FSTL4: variants seen among roughly 807,000 people sequenced by gnomAD.
FSTL4 encodes follistatin like 4.
A neutral mutation model predicts 78.2 loss-of-function variants in FSTL4; 28 were observed. The ratio of observed to expected loss-of-function variants is 0.36; its 90% CI spans 0.27 to 0.49. FSTL4 has a LOEUF of 0.49. Ranked by LOEUF, FSTL4 falls within the 20% of genes least tolerant of loss-of-function variation. FSTL4 has a pLI of 0.98. For missense variants in FSTL4, 922 were observed against 1,084.9 expected (o/e 0.85, Z 2.11); for synonymous variants, 422 against 440.5 (o/e 0.96, Z 0.53).
intron 3 of FSTL4, among the ~76,000 whole-genome samples, chr5:133,486,970 G>A (rs1210443735): frequency 2.0e-5 from 3 of 152,126 alleles, no homozygotes; most frequent in Non-Finnish European, 4.4e-5. Context: ...CTGGCAGGAG[G>A]CCCCTGACCC....
the FSTL4 span, among the ~76,000 whole-genome samples, chr5:133,777,601 T>G: frequency 1.3e-5 from 2 of 152,380 alleles, no homozygotes; most frequent in African/African-American, 4.8e-5. Context: ...TGGTTTCTTA[T>G]GTACAGAGAG....
At chr5:133,643,167 C>T in the FSTL4 span, among the ~76,000 whole-genome samples, 3 of 152,066 alleles carry the variant, frequency 2.0e-5, no homozygotes, top group South Asian at 2.1e-4. Context: ...TTAAAGCATA[C>T]GTATATGTAT....
intron 6 of FSTL4, among the ~76,000 whole-genome samples, chr5:133,286,718 T>A (rs1753138135): frequency 6.6e-6 from 1 of 152,200 alleles, no homozygotes; most frequent in Non-Finnish European, 1.5e-5. Context: ...GCATCTGAGC[T>A]GGCCCACAGT....
At chr5:133,690,793 C>T in the FSTL4 span, among the ~76,000 whole-genome samples, 1 of 152,256 alleles carries the variant, frequency 6.6e-6, no homozygotes, top group African/African-American at 2.4e-5. Flanking sequence ...GTCCAGCCAT[C>T]TCCAAATTCA....
rs1189088556 is a variant in FSTL4, at chr5:133,530,801, C to A, written c.160+36385G>T. On this transcript the variant is annotated intron_variant, in intron 3 of 15. Coordinates refer to ENST00000265342, the MANE Select transcript of FSTL4 (RefSeq NM_015082.2). The stretch of plus-strand genomic sequence containing the variant: ...GGGCCAAGAAACCCCTAACTAAGGG[C>A]TATACCCAGGCCCCACACCCCAGTG... Among the ~76,000 whole-genome samples, 3 of 152,312 alleles carry A rather than the reference C, an allele frequency of 2.0e-5. No individual in the cohort carries two copies. The South Asian group carries it at 6.2e-4, about 32-fold the overall frequency.
intron 2 of FSTL4, among the ~76,000 whole-genome samples, chr5:133,594,011 G>A (rs377434): frequency 0.33 from 50,576 of 151,598 alleles, 8,595 homozygotes; most frequent in East Asian, 0.36. Context: ...TGCTCAGTGG[G>A]TGTCTGTTGA....
chr5:133,450,857 A>G (rs901072516), intron 3 of FSTL4, among the ~76,000 whole-genome samples: 4 of 152,142 alleles, frequency 2.6e-5, no homozygotes, highest in Non-Finnish European at 5.9e-5. Flanking sequence ...CTGCAGACCA[A>G]TGGGGGAGAG....
chr5:133,278,497 C>A (rs898796801), intron 6 of FSTL4, among the ~76,000 whole-genome samples: 1 of 152,230 alleles, frequency 6.6e-6, no homozygotes. Context: ...CTGATACCAG[C>A]GTATGCTTCC....
chr5:133,530,717 C>T (rs564849678), intron 3 of FSTL4, among the ~76,000 whole-genome samples: 4 of 152,280 alleles, frequency 2.6e-5, no homozygotes, highest in East Asian at 1.9e-4. Context: ...GACCCTGCCC[C>T]GACAACAGGG....
chr5:133,419,466 C>T (rs1756647821), intron 3 of FSTL4, among the ~76,000 whole-genome samples: 1 of 152,118 alleles, frequency 6.6e-6, no homozygotes, highest in Non-Finnish European at 1.5e-5. Context: ...ATGGATATAC[C>T]ACAGTTTGTC....
the FSTL4 span, among the ~76,000 whole-genome samples, chr5:133,724,351 G>A: frequency 1.3e-5 from 2 of 152,182 alleles, no homozygotes; most frequent in African/African-American, 4.8e-5. Context: ...CAGAGGCAAG[G>A]TGTTTCCTTC....
At chr5:133,249,718 G>C (rs771086997) in intron 6 of FSTL4, 142 bp from the exon 7 acceptor site, 2 of 641,788 alleles carry the variant, frequency 3.1e-6, no homozygotes, top group Non-Finnish European at 5.3e-6. Flanking sequence ...ACAATGTGCT[G>C]ACTAAATGTA....
chr5:133,278,534 T>C (rs1034835245), intron 6 of FSTL4, among the ~76,000 whole-genome samples: 5 of 152,162 alleles, frequency 3.3e-5, no homozygotes, highest in Non-Finnish European at 7.3e-5. Flanking sequence ...GGGTGTGTCT[T>C]AGTGATGACT....
In FSTL4 at chr5:133,205,938, C is replaced by T. The variant is rs374831314; in HGVS notation, c.1717-3896G>A. Among the ~76,000 whole-genome samples, 13 of 152,236 alleles carry T rather than the reference C, an allele frequency of 8.5e-5. No homozygotes were observed. The East Asian group carries it at 1.2e-3, about 14-fold the overall frequency. On this transcript the variant is annotated intron_variant, in intron 14 of 15. Transcript: ENST00000265342. Reference sequence around the variant, plus strand: ...GTCAGACACCCCGAGCACAAACTAGCGCAACCCCACAAAACATGTTTGAGT... The same window carrying T: ...GTCAGACACCCCGAGCACAAACTAGTGCAACCCCACAAAACATGTTTGAGT...
chr5:133,245,213 C>T (rs1752003473), intron 7 of FSTL4, among the ~76,000 whole-genome samples: 1 of 151,840 alleles, frequency 6.6e-6, no homozygotes, highest in African/African-American at 2.4e-5. Flanking sequence ...CAGGGAGACC[C>T]TGGGGCACTG....
At chr5:133,210,390 A>AGCCAGTCTAGAAGCCTT in intron 13 of FSTL4, 92 bp from the exon 14 acceptor site, 1 of 701,864 alleles carries the variant, frequency 1.4e-6, no homozygotes, top group Non-Finnish European at 2.5e-6. Flanking sequence ...GCGAGGGGAA[A>AGCCAGTCTAGAAGCCTT]GCCAGTCTAG....
At chr5:133,696,807 C>T in the FSTL4 span, among the ~76,000 whole-genome samples, 1 of 152,336 alleles carries the variant, frequency 6.6e-6, no homozygotes. Context: ...CGAGTGGGTA[C>T]AGGGGTGTGT....
the FSTL4 span, among the ~76,000 whole-genome samples, chr5:133,664,037 T>A: frequency 6.1e-5 from 9 of 147,240 alleles, no homozygotes; most frequent in African/African-American, 2.1e-4. Context: ...ACTGTATGAG[T>A]GTGGGGGCAC....
At chr5:133,834,837 G>C in the FSTL4 span, among the ~76,000 whole-genome samples, 2 of 151,766 alleles carry the variant, frequency 1.3e-5, no homozygotes, top group Non-Finnish European at 2.9e-5. Flanking sequence ...TGGAAAATGA[G>C]AAAAAGACTG....
Sources: allele counts gnomAD v4.1 joint callset (sites outside exome capture counted in the v4.1 genomes callset), GRCh38; gene constraint gnomAD v4.1.1; transcripts MANE v1.5; gene names NCBI Gene and HGNC (gene_info 2026-07-23, HGNC 2026-07-21).